ARHGEF18: variants seen among roughly 807,000 people sequenced by gnomAD.
ARHGEF18 encodes Rho/Rac guanine nucleotide exchange factor 18, also known as rho guanine nucleotide exchange factor 18.
Under a neutral mutation model 155.7 loss-of-function variants are expected in ARHGEF18, and 93 were observed. The observed-to-expected ratio is 0.60, with a 90% CI of 0.50 to 0.71. The LOEUF is 0.71. Ranked by LOEUF, ARHGEF18 falls within the 30% of genes least tolerant of loss-of-function variation. The pLI is 0.00. For synonymous variants in ARHGEF18, 742 were observed against 753.1 expected, an observed-to-expected ratio of 0.99 and a Z score of 0.24; for missense variants, 1,593 against 1,816.1, an observed-to-expected ratio of 0.88 and a Z score of 2.23.
Position 7,467,331 on chromosome 19 carries a change from C to CA in ARHGEF18, c.3129dup (p.Arg1044ThrfsTer238). On this transcript the variant is annotated frameshift_variant, in exon 26 of 29. Coordinates refer to ENST00000668164, the MANE Select transcript of ARHGEF18 (RefSeq NM_001367823.1). LOFTEE classifies it high-confidence loss of function. ...GAACCTGCTGCTGGAGCAGGAGCGGCAACGCAACTTCGAGAAGCAGCGGGA... is the reference window on the plus strand; with the variant it reads ...GAACCTGCTGCTGGAGCAGGAGCGGCAAACGCAACTTCGAGAAGCAGCGGGA... 2 of 1,538,148 alleles carry CA rather than the reference C, an allele frequency of 1.3e-6. No individual in the cohort carries two copies. The highest frequency in any genetic ancestry group is 1.7e-6 in the Non-Finnish European group (2 of 1,146,852).
chr19:7,378,948 C>A (rs542476922), intron 6 of ARHGEF18, among the ~76,000 whole-genome samples, 174 bp from the exon 7 acceptor site: 3 of 152,184 alleles, frequency 2.0e-5, no homozygotes, highest in East Asian at 3.9e-4. Context: ...CCACCTTGGC[C>A]TCCCAAAGTA....
intron 10 of ARHGEF18, among the ~76,000 whole-genome samples, chr19:7,401,346 C>T (rs1486981895): frequency 6.6e-6 from 1 of 152,140 alleles, no homozygotes; most frequent in Non-Finnish European, 1.5e-5. Context: ...AGTGCAGTGT[C>T]ACAATCATAG....
chr19:7,443,121 G>C (rs1180916389), intron 13 of ARHGEF18, among the ~76,000 whole-genome samples: 1 of 142,052 alleles, frequency 7.0e-6, no homozygotes, highest in African/African-American at 2.6e-5. Context: ...GGAGTGCAGT[G>C]GTTCCATCTC....
At chr19:7,362,601 AG>A (rs1387796395) in intron 1 of ARHGEF18, among the ~76,000 whole-genome samples, 179 bp from the exon 2 acceptor site, 1 of 152,156 alleles carries the variant, frequency 6.6e-6, no homozygotes, top group East Asian at 1.9e-4. Flanking sequence ...GATGGGGAAG[AG>A]GTGACACGTA....
chr19:7,412,217 G>A (rs1972729141), intron 10 of ARHGEF18, among the ~76,000 whole-genome samples: 1 of 151,362 alleles, frequency 6.6e-6, no homozygotes, highest in African/African-American at 2.4e-5. Flanking sequence ...TGTATTTTTA[G>A]TGTTGGTCAG....
chr19:7,465,950 G>A (rs1452455130), intron 23 of ARHGEF18, among the ~76,000 whole-genome samples: 1 of 152,076 alleles, frequency 6.6e-6, no homozygotes, highest in Non-Finnish European at 1.5e-5. Context: ...TGGACGTGGT[G>A]GTGGATACCT....
At position 7,467,675 on chromosome 19, in the gene ARHGEF18, A is replaced by G. The variant is rs2145912972; in HGVS notation, c.3471A>G (p.Thr1157=). The change falls in exon 26 of 29, where the codon ACA becomes ACG. Residue 1157 remains threonine, a synonymous_variant. Coordinates refer to ENST00000668164, the MANE Select transcript of ARHGEF18 (RefSeq NM_001367823.1). ...CGCCAGGCGCGCTGCCGCCCGACAC[A>G]CTGGCCGAGGTGAGCGCGCAGCAGC... ...NTAPGALPPD[T]LAEAQPPSHP... 1 of 1,507,264 alleles carries G rather than the reference A, an allele frequency of 6.6e-7. No homozygotes were observed. Among genetic ancestry groups the G allele is most frequent in the Non-Finnish European group, 8.8e-7 (1 of 1,136,098 alleles). 93.4% of individuals were successfully genotyped at this position (1,507,264 alleles called of 1,614,324 possible).
chr19:7,407,688 G>A (rs1199491832), intron 10 of ARHGEF18, among the ~76,000 whole-genome samples: 1 of 152,026 alleles, frequency 6.6e-6, no homozygotes, highest in African/African-American at 2.4e-5. Flanking sequence ...TAGTAGGCCA[G>A]GGGCCAGCAA....
In ARHGEF18 at chr19:7,380,940, C is replaced by T; in HGVS notation, c.668C>T (p.Ser223Leu). The T allele has an allele frequency of 8.1e-7, 1 of 1,231,978 alleles. No individual in the cohort carries two copies. Among genetic ancestry groups the T allele is most frequent in the Non-Finnish European group, 1.0e-6 (1 of 987,938 alleles). The allele number at this position is 1,231,978 out of a possible 1,614,324, so 76.3% of individuals were successfully genotyped here. The change falls in exon 8 of 29, where the codon TCA (serine) becomes TTA (leucine). Residue 223 changes from serine to leucine, a missense_variant. Transcript: ENST00000668164. ...AGGGCCCGGCAGAGGGCTTGCATGT[C>T]AGCCAGCCCCGGAGGAGCCCACTCG... The part of the protein sequence containing the change: ...YHGARQRACM[S>L]ASPGGAHSNL...
intron 10 of ARHGEF18, chr19:7,439,853 T>C: frequency 6.9e-7 from 1 of 1,445,130 alleles, no homozygotes; most frequent in Non-Finnish European, 9.1e-7. Context: ...TTTTACACCC[T>C]GCAAAGACCA....
At chr19:7,389,822 T>G (rs1971297651) in intron 10 of ARHGEF18, among the ~76,000 whole-genome samples, 1 of 152,156 alleles carries the variant, frequency 6.6e-6, no homozygotes, top group Non-Finnish European at 1.5e-5. Flanking sequence ...GTGGTGGGAA[T>G]TAAGCTCTTT....
chr19:7,451,431 C>T lies in ARHGEF18; in HGVS notation c.1855+165C>T, dbSNP rs138612606. On this transcript the variant is annotated intron_variant, in intron 16 of 28. Transcript: ENST00000668164. ...TTTTTTTTTTTTTTTTTTTAAGAGACAGAGTCTCACTCTGTTGCCCAGGCT... is the reference window on the plus strand; with the variant it reads ...TTTTTTTTTTTTTTTTTTTAAGAGATAGAGTCTCACTCTGTTGCCCAGGCT... Among the ~76,000 whole-genome samples, 1,258 of 130,368 alleles carry T rather than the reference C, an allele frequency of 9.6e-3. 14 individuals are homozygous for T. The highest frequency in any genetic ancestry group is 0.034 in the African/African-American group (1,198 of 34,986). The allele number at this position is 130,368 out of a possible 152,430, so 85.5% of individuals were successfully genotyped here. A position where few individuals can be genotyped will look rare whatever the true frequency, so the allele number is the denominator to read the frequency against.
At position 7,367,882 on chromosome 19, in the gene ARHGEF18, A is replaced by ATACACATATATAT. The variant is rs1568270357; in HGVS notation, c.16-4929_16-4928insACACATATATATT. ...CACATATATATTTTTATATATATAT[A>ATACACATATATAT]TTTTATATATATTTTTTATATATAT... On this transcript the variant is annotated intron_variant, in intron 2 of 28. Coordinates refer to ENST00000668164, the MANE Select transcript of ARHGEF18 (RefSeq NM_001367823.1). Among the ~76,000 whole-genome samples, 105 of 39,794 alleles carry ATACACATATATAT rather than the reference A, an allele frequency of 2.6e-3. 3 individuals are homozygous for ATACACATATATAT. Among genetic ancestry groups the ATACACATATATAT allele is most frequent in the Non-Finnish European group, 2.9e-3 (77 of 26,162 alleles). 26.1% of individuals were successfully genotyped at this position (39,794 alleles called of 152,430 possible).
At chr19:7,478,191 G>A in the ARHGEF18 span, 10 of 1,025,022 alleles carry the variant, frequency 9.8e-6, no homozygotes, top group Non-Finnish European at 1.4e-5. Flanking sequence ...AGGCTGTGAT[G>A]ACTCCCCCAT....
chr19:7,362,353 G>GAGA (rs1555698252), intron 1 of ARHGEF18, among the ~76,000 whole-genome samples: 5 of 142,898 alleles, frequency 3.5e-5, no homozygotes, highest in African/African-American at 1.4e-4. Flanking sequence ...AGAGGAGGAG[G>GAGA]AGGAAAAACA....
chr19:7,473,733 C>A (rs1232736942), downstream of ARHGEF18, among the ~76,000 whole-genome samples: 1 of 149,298 alleles, frequency 6.7e-6, no homozygotes, highest in African/African-American at 2.5e-5. Context: ...TGGCGTGAAC[C>A]CAGGAGGCGG....
chr19:7,415,447 G>A, intron 10 of ARHGEF18, among the ~76,000 whole-genome samples: 1 of 151,636 alleles, frequency 6.6e-6, no homozygotes, highest in Non-Finnish European at 1.5e-5. Flanking sequence ...CTTCCAGTGT[G>A]CCCTGCTCCC....
intron 10 of ARHGEF18, among the ~76,000 whole-genome samples, chr19:7,438,016 C>CTCCCTTCCCT (rs1222688076): frequency 7.8e-6 from 1 of 127,876 alleles, no homozygotes; most frequent in African/African-American, 3.1e-5. Context: ...CTCCCCTCCC[C>CTCCCTTCCCT]TCCCTTCCCT....
At chr19:7,349,670 C>T (rs915448209) in intron 1 of ARHGEF18, among the ~76,000 whole-genome samples, 3 of 151,804 alleles carry the variant, frequency 2.0e-5, no homozygotes, top group Admixed American at 1.3e-4. Context: ...CTCAGCTACT[C>T]GGGAGGCTGA....
Sources: allele counts gnomAD v4.1 joint callset (sites outside exome capture counted in the v4.1 genomes callset), GRCh38; gene constraint gnomAD v4.1.1; transcripts MANE v1.5; gene names NCBI Gene and HGNC (gene_info 2026-07-23, HGNC 2026-07-21).